Variants in TRMT11 observed in about 807,000 individuals in gnomAD.
The protein encoded by TRMT11 is tRNA methyltransferase 11, also known as tRNA (guanine(10)-N(2))-methyltransferase TRMT11.
In TRMT11, 53 loss-of-function variants were observed where a neutral mutation model predicts 62.8. The observed-to-expected ratio is 0.84, with a 90% CI of 0.68 to 1.06. The LOEUF (loss-of-function observed/expected upper bound fraction) is 1.06, where lower values mean the gene tolerates loss of function less well. Among genes scored for constraint, TRMT11 ranks in the 50% least tolerant of loss-of-function variants. TRMT11 has a pLI of 0.00. For missense variants in TRMT11, 556 were observed against 553.4 expected, an observed-to-expected ratio of 1.00 and a Z score of -0.05; for synonymous variants, 188 against 190.3, an observed-to-expected ratio of 0.99 and a Z score of 0.10.
intron 11 of TRMT11, among the ~76,000 whole-genome samples, chr6:126,016,233 T>G (rs923864945): frequency 1.3e-5 from 2 of 152,214 alleles, no homozygotes; most frequent in Non-Finnish European, 2.9e-5. Flanking sequence ...TTCTGCCCCA[T>G]TTACTTCATT....
At chr6:126,097,731 T>C (rs900523049) in intron 17 of TRMT11, among the ~76,000 whole-genome samples, 1 of 152,166 alleles carries the variant, frequency 6.6e-6, no homozygotes, top group Non-Finnish European at 1.5e-5. Context: ...AAAGATTTAG[T>C]TGGCTAATGA....
At chr6:126,089,553 G>A (rs564433535) in intron 17 of TRMT11, among the ~76,000 whole-genome samples, 42 of 152,266 alleles carry the variant, frequency 2.8e-4, no homozygotes, top group Non-Finnish European at 4.4e-4. Flanking sequence ...ACAAAGGCAG[G>A]ATTCAAACTC....
chr6:126,266,678 T>C, the TRMT11 span, among the ~76,000 whole-genome samples: 5 of 152,224 alleles, frequency 3.3e-5, no homozygotes, highest in Admixed American at 2.0e-4. Flanking sequence ...GTTTTGTTAT[T>C]ATTCTAAACT....
rs757719989 is a variant in TRMT11, at chr6:126,008,488, A to G, written c.760+16A>G. On this transcript the variant is annotated intron_variant, in intron 8 of 12. Coordinates refer to ENST00000334379, the MANE Select transcript of TRMT11 (RefSeq NM_001031712.3). ...CATGGCTTGGGTGAGTAGAGATTAT[A>G]GACAGTATTATAGTCATTGCTGTGG... 2 of 1,601,588 alleles carry G rather than the reference A, an allele frequency of 1.2e-6. No individual in the cohort carries two copies. Among genetic ancestry groups the G allele is most frequent in the South Asian group, 1.1e-5 (1 of 90,832 alleles).
chr6:126,256,817 A>G, the TRMT11 span, among the ~76,000 whole-genome samples: 1 of 152,082 alleles, frequency 6.6e-6, no homozygotes, highest in Non-Finnish European at 1.5e-5. Context: ...TCTCTGAGTC[A>G]TCCTTCCTTC....
At chr6:126,069,329 A>G in intron 17 of TRMT11, among the ~76,000 whole-genome samples, 1 of 152,248 alleles carries the variant, frequency 6.6e-6, no homozygotes, top group Non-Finnish European at 1.5e-5. Context: ...CAAAGCTGTG[A>G]ACACCACCAG....
intron 6 of TRMT11, 115 bp downstream of exon 6, chr6:125,998,799 A>G (rs1352253091): frequency 5.3e-6 from 5 of 941,912 alleles, no homozygotes; most frequent in African/African-American, 3.3e-5. Flanking sequence ...GAACTACTGA[A>G]TGGATTAAAA....
At chr6:126,218,420 C>T in the TRMT11 span, among the ~76,000 whole-genome samples, 1 of 152,198 alleles carries the variant, frequency 6.6e-6, no homozygotes, top group Admixed American at 6.5e-5. Context: ...GGTCTAAGAA[C>T]TCTTTAGTCA....
chr6:126,239,600 T>G, the TRMT11 span, among the ~76,000 whole-genome samples: 1 of 152,248 alleles, frequency 6.6e-6, no homozygotes, highest in Non-Finnish European at 1.5e-5. Flanking sequence ...TGGGCTTCCC[T>G]TTGTGGGCAA....
At chr6:126,143,175 G>T (rs946826395) in intron 21 of TRMT11, among the ~76,000 whole-genome samples, 3 of 151,922 alleles carry the variant, frequency 2.0e-5, no homozygotes, top group African/African-American at 7.2e-5. Context: ...TGTGCAAATA[G>T]GACTCCAAAA....
downstream of TRMT11, among the ~76,000 whole-genome samples, chr6:126,040,997 C>G (rs558119324): frequency 5.3e-5 from 8 of 152,066 alleles, no homozygotes; most frequent in Non-Finnish European, 7.4e-5. Context: ...TTTGGGCCAG[C>G]TTGCCACTGA....
chr6:126,205,083 T>C (rs1407519191), downstream of TRMT11, among the ~76,000 whole-genome samples: 1 of 152,246 alleles, frequency 6.6e-6, no homozygotes, highest in Non-Finnish European at 1.5e-5. Flanking sequence ...TTCAGGCTAT[T>C]ATATTCAGAT....
chr6:126,054,892 G>A (rs527316334), intron 17 of TRMT11, among the ~76,000 whole-genome samples: 4 of 152,328 alleles, frequency 2.6e-5, no homozygotes, highest in East Asian at 3.9e-4. Flanking sequence ...CTCCCAACAC[G>A]TCTCTTTCGC....
At chr6:126,144,781 C>G (rs530847650) in intron 21 of TRMT11, among the ~76,000 whole-genome samples, 205 of 152,208 alleles carry the variant, frequency 1.3e-3, no homozygotes, top group African/African-American at 4.8e-3. Flanking sequence ...ATGAATCAAG[C>G]TATGCATGTA....
At chr6:126,106,319 A>G (rs1777463944) in intron 17 of TRMT11, among the ~76,000 whole-genome samples, 1 of 151,838 alleles carries the variant, frequency 6.6e-6, no homozygotes, top group Non-Finnish European at 1.5e-5. Flanking sequence ...AATATTTTGT[A>G]TTTTTAGTAG....
intron 2 of TRMT11, 63 bp from the exon 3 acceptor site, chr6:125,995,904 A>G: frequency 1.0e-6 from 1 of 982,524 alleles, no homozygotes; most frequent in East Asian, 2.4e-5. Flanking sequence ...TGACTTCTTG[A>G]ATAAAAGCAT....
the TRMT11 span, among the ~76,000 whole-genome samples, chr6:126,211,600 T>C: frequency 6.6e-6 from 1 of 151,610 alleles, no homozygotes; most frequent in African/African-American, 2.4e-5. Context: ...AAATAATCAA[T>C]AGCTCTCCAT....
intron 1 of TRMT11, among the ~76,000 whole-genome samples, chr6:125,991,479 G>C (rs1374865504): frequency 6.6e-6 from 1 of 151,866 alleles, no homozygotes; most frequent in Non-Finnish European, 1.5e-5. Context: ...GTGTGAGGGG[G>C]CGGGAGGGGG....
chr6:126,130,706 A>G (rs949085757), intron 21 of TRMT11, among the ~76,000 whole-genome samples: 1 of 152,114 alleles, frequency 6.6e-6, no homozygotes, highest in East Asian at 1.9e-4. Flanking sequence ...GTGGTTCTCA[A>G]CATTTACCAC....
Sources: allele counts gnomAD v4.1 joint callset (sites outside exome capture counted in the v4.1 genomes callset), GRCh38; gene constraint gnomAD v4.1.1; transcripts MANE v1.5; gene names NCBI Gene and HGNC (gene_info 2026-07-23, HGNC 2026-07-21).